The following VPS13B variants were observed in gnomAD, a reference collection of about 807,000 sequenced individuals.
The protein encoded by VPS13B is vacuolar protein sorting 13 homolog B.
Under a neutral mutation model 426.4 loss-of-function variants are expected in VPS13B, and 285 were observed. The ratio of observed to expected loss-of-function variants is 0.67; its 90% CI spans 0.61 to 0.74. The LOEUF (loss-of-function observed/expected upper bound fraction) is 0.74, where lower values mean the gene tolerates loss of function less well. Ranked by LOEUF, VPS13B falls within the 30% of genes least tolerant of loss-of-function variation. The pLI, the probability that VPS13B is intolerant of heterozygous loss-of-function variation, is 0.00. For synonymous variants in VPS13B, 1,676 were observed against 1,676.4 expected, an observed-to-expected ratio of 1.00 and a Z score of 0.01; for missense variants, 4,537 against 4,782.6, an observed-to-expected ratio of 0.95 and a Z score of 1.51.
chr8:99,613,292 T>G (rs1827920892), intron 33 of VPS13B, among the ~76,000 whole-genome samples: 1 of 152,250 alleles, frequency 6.6e-6, no homozygotes, highest in Admixed American at 6.5e-5. Context: ...ATGCCTCACA[T>G]AGTACCAGGC....
At chr8:99,337,168 G>A (rs1030703189) in intron 19 of VPS13B, among the ~76,000 whole-genome samples, 2 of 152,044 alleles carry the variant, frequency 1.3e-5, no homozygotes, top group Non-Finnish European at 2.9e-5. Context: ...ATACACCATG[G>A]AATACTATGC....
At chr8:99,201,699 T>C (rs1396323594) in intron 17 of VPS13B, among the ~76,000 whole-genome samples, 3 of 152,190 alleles carry the variant, frequency 2.0e-5, no homozygotes, top group Non-Finnish European at 4.4e-5. Flanking sequence ...GAAAATGTTA[T>C]ATGCTAGTGC....
chr8:99,057,872 T>C (rs1843965840), intron 3 of VPS13B, among the ~76,000 whole-genome samples: 1 of 152,200 alleles, frequency 6.6e-6, no homozygotes, highest in Admixed American at 6.5e-5. Flanking sequence ...CTTGAGTGTA[T>C]CTATTAGCTT....
intron 34 of VPS13B, among the ~76,000 whole-genome samples, chr8:99,645,340 C>G (rs935203056): frequency 6.6e-6 from 1 of 152,126 alleles, no homozygotes; most frequent in African/African-American, 2.4e-5. Context: ...TAGCATTGAG[C>G]CAGCAGGCCT....
intron 43 of VPS13B, among the ~76,000 whole-genome samples, chr8:99,791,855 C>A (rs899257222): frequency 6.6e-6 from 1 of 151,786 alleles, no homozygotes; most frequent in African/African-American, 2.4e-5. Flanking sequence ...GCCTTGAGGG[C>A]AACTGCAGTC....
At chr8:99,037,830 T>C (rs906687694) in intron 2 of VPS13B, among the ~76,000 whole-genome samples, 1 of 114,534 alleles carries the variant, frequency 8.7e-6, no homozygotes, top group African/African-American at 3.1e-5. Flanking sequence ...TTAGGTGAAG[T>C]GGAATACTTT....
chr8:99,579,515 A>G (rs1340629037), intron 33 of VPS13B, among the ~76,000 whole-genome samples: 1 of 152,016 alleles, frequency 6.6e-6, no homozygotes, highest in South Asian at 2.1e-4. Flanking sequence ...CTCCTGCCTC[A>G]GTATCCCACG....
At chr8:99,562,837 CAG>C (rs911818728) in intron 31 of VPS13B, among the ~76,000 whole-genome samples, 12 of 152,064 alleles carry the variant, frequency 7.9e-5, no homozygotes, top group Admixed American at 6.5e-4. Flanking sequence ...CAAAAATTGA[CAG>C]AGACTTTTGA....
chr8:99,371,099 CTGTT>C (rs368735282), intron 19 of VPS13B, among the ~76,000 whole-genome samples: 95 of 152,236 alleles, frequency 6.2e-4, no homozygotes, highest in African/African-American at 2.1e-3. Flanking sequence ...TTTAAAATCT[CTGTT>C]AATGTCACAA....
chr8:99,487,801 A>G (rs1820391011), intron 25 of VPS13B, among the ~76,000 whole-genome samples: 1 of 152,148 alleles, frequency 6.6e-6, no homozygotes, highest in Non-Finnish European at 1.5e-5. Flanking sequence ...ATGGCTGAGT[A>G]ATATTTCATT....
chr8:99,388,391 C>A (rs930623473), intron 20 of VPS13B, among the ~76,000 whole-genome samples: 23 of 151,774 alleles, frequency 1.5e-4, no homozygotes, highest in African/African-American at 5.6e-4. Context: ...TCTTTGTAAC[C>A]CTCTAGTATT....
At chr8:99,039,061 G>A (rs1011245850) in intron 3 of VPS13B, among the ~76,000 whole-genome samples, 4 of 152,096 alleles carry the variant, frequency 2.6e-5, no homozygotes, top group African/African-American at 9.7e-5. Flanking sequence ...GTATGTAAAG[G>A]TTGTTTTCAT....
chr8:99,717,417 G>T (rs1346320836), intron 37 of VPS13B, 44 bp downstream of exon 37: 1 of 1,527,070 alleles, frequency 6.5e-7, no homozygotes, highest in Non-Finnish European at 9.1e-7. Context: ...TTATTAACTA[G>T]CCTCTGTTCA....
At chr8:99,037,324 T>A (rs1842789764) in intron 2 of VPS13B, among the ~76,000 whole-genome samples, 1 of 151,970 alleles carries the variant, frequency 6.6e-6, no homozygotes, top group Non-Finnish European at 1.5e-5. Context: ...GTAATAATAA[T>A]AATAATAATA....
chr8:99,111,789 G>T (rs1847383804), intron 6 of VPS13B, among the ~76,000 whole-genome samples: 1 of 151,940 alleles, frequency 6.6e-6, no homozygotes, highest in Admixed American at 6.6e-5. Flanking sequence ...GAGTTATTCA[G>T]GACATGTCTT....
intron 58 of VPS13B, among the ~76,000 whole-genome samples, chr8:99,865,732 G>C (rs1043037337): frequency 6.6e-6 from 1 of 152,214 alleles, no homozygotes; most frequent in African/African-American, 2.4e-5. Flanking sequence ...TATGGGTCTC[G>C]TTACTTTCTG....
chr8:99,820,261 G>A (rs2130818269), intron 49 of VPS13B, 139 bp downstream of exon 49: 1 of 786,196 alleles, frequency 1.3e-6, no homozygotes, highest in South Asian at 1.7e-5. Context: ...GGTATGGAAT[G>A]TTCTTTGATA....
intron 17 of VPS13B, among the ~76,000 whole-genome samples, chr8:99,225,336 G>A (rs920213773): frequency 1.3e-5 from 2 of 151,792 alleles, no homozygotes; most frequent in African/African-American, 2.4e-5. Flanking sequence ...CTGGAGTGCA[G>A]TGGCGCGATC....
chr8:99,224,566 G>A (rs1201643553), intron 17 of VPS13B, among the ~76,000 whole-genome samples: 1 of 152,018 alleles, frequency 6.6e-6, no homozygotes, highest in Admixed American at 6.6e-5. Context: ...ATATTAATCT[G>A]ATGGGATTTG....
Sources: gnomAD v4.1 joint callset for allele counts (sites outside exome capture counted in the v4.1 genomes callset) on GRCh38, gnomAD v4.1.1 for gene constraint, MANE v1.5 for transcripts, NCBI Gene and HGNC (gene_info 2026-07-23, HGNC 2026-07-21) for gene names.